CNTN1: variants seen among roughly 807,000 people sequenced by gnomAD.
The protein encoded by CNTN1 is contactin 1.
Under a neutral mutation model 126.4 loss-of-function variants are expected in CNTN1, and 38 were observed. The observed-to-expected ratio is 0.30, with a 90% CI of 0.23 to 0.39. The LOEUF is 0.39. CNTN1 is among the 10% of genes least tolerant of loss of function. CNTN1 has a pLI of 1.00. For synonymous variants in CNTN1, 413 were observed against 422.6 expected (o/e 0.98, Z 0.28); for missense variants, 1,009 against 1,248.4 (o/e 0.81, Z 2.89).
rs1421479182 is a variant in CNTN1, at chr12:40,936,807, A to G, written c.1012A>G (p.Asn338Asp). The change falls in exon 10 of 24, where the codon AAT (asparagine) becomes GAT (aspartate). Residue 338 changes from asparagine to aspartate, a missense_variant. Physicochemically the swap from Asn to Asp is conservative, Grantham distance 23. Coordinates refer to ENST00000551295, the MANE Select transcript of CNTN1 (RefSeq NM_001843.4). ...QAFPEWVEHI[N>D]DTEVDIGSDL... ...ATTCCCTGAGTGGGTAGAACACATC[A>G]ATGACACAGAGGTGGACATAGGCAG... is the stretch of plus-strand genomic sequence containing the variant. 2.5e-6 allele frequency: 4 copies of G among 1,613,340 alleles called. No homozygotes were observed. Among genetic ancestry groups the G allele is most frequent in the Non-Finnish European group, 3.4e-6 (4 of 1,179,414 alleles).
chr12:40,903,234 C>T (rs1310512203), intron 1 of CNTN1, among the ~76,000 whole-genome samples: 3 of 152,146 alleles, frequency 2.0e-5, no homozygotes, highest in Admixed American at 2.0e-4. Context: ...GGTCACAGGG[C>T]TCTGAAGGCT....
At chr12:40,853,672 T>C (rs1005147740) in intron 1 of CNTN1, among the ~76,000 whole-genome samples, 6 of 152,002 alleles carry the variant, frequency 3.9e-5, no homozygotes, top group Admixed American at 1.3e-4. Flanking sequence ...TCCTTTTTTT[T>C]CCCCCTATAG....
intron 1 of CNTN1, among the ~76,000 whole-genome samples, chr12:40,762,538 T>C (rs1938903163): frequency 6.6e-6 from 1 of 152,174 alleles, no homozygotes; most frequent in African/African-American, 2.4e-5. Flanking sequence ...TGTACTATCA[T>C]AAAAACTGAG....
intron 15 of CNTN1, among the ~76,000 whole-genome samples, chr12:40,975,213 T>TATATAG (rs1947641644): frequency 8.7e-6 from 1 of 115,584 alleles, no homozygotes; most frequent in Non-Finnish European, 1.8e-5. Flanking sequence ...TATATATATA[T>TATATAG]ATATATATAT....
chr12:40,990,323 G>A (rs1430870500), intron 16 of CNTN1, among the ~76,000 whole-genome samples: 1 of 152,142 alleles, frequency 6.6e-6, no homozygotes, highest in Non-Finnish European at 1.5e-5. Flanking sequence ...AATTCAGAAT[G>A]TCCATTCTGG....
intron 1 of CNTN1, among the ~76,000 whole-genome samples, chr12:40,722,720 A>G (rs1003912736): frequency 1.3e-5 from 2 of 152,152 alleles, no homozygotes; most frequent in Admixed American, 6.5e-5. Flanking sequence ...TAAGTCTAGT[A>G]ATGTAAAATA....
chr12:40,695,667 C>T (rs1018134719), intron 1 of CNTN1, among the ~76,000 whole-genome samples: 2 of 152,090 alleles, frequency 1.3e-5, no homozygotes, highest in African/African-American at 2.4e-5. Flanking sequence ...GATGTATTAT[C>T]GATTGTTCTC....
At chr12:41,064,042 C>T (rs1336911071) in intron 23 of CNTN1, among the ~76,000 whole-genome samples, 1 of 151,902 alleles carries the variant, frequency 6.6e-6, no homozygotes, top group Non-Finnish European at 1.5e-5. Flanking sequence ...GGCATGGTGG[C>T]GGGCGCCTGT....
At position 40,924,601 on chromosome 12, in the gene CNTN1, A is replaced by C; in HGVS notation, c.445A>C (p.Lys149Gln). The change falls in exon 6 of 24, where the codon AAA becomes CAA. Residue 149 changes from lysine (K) to glutamine (Q), a missense_variant. Physicochemically the swap from Lys to Gln is moderately conservative, Grantham distance 53. Coordinates refer to ENST00000551295, the MANE Select transcript of CNTN1 (RefSeq NM_001843.4). ...TGAGGAACGTCCTGAGGTCAGAGTAAAAGAAGGGAAAGGAATGGTGCTTCT... is the reference window on the plus strand; with the variant it reads ...TGAGGAACGTCCTGAGGTCAGAGTACAAGAAGGGAAAGGAATGGTGCTTCT... ...PPEERPEVRVKEGKGMVLLCD... is the reference protein window; with the variant it reads ...PPEERPEVRVQEGKGMVLLCD... 1 of 1,608,892 alleles carries C rather than the reference A, an allele frequency of 6.2e-7. No individual in the cohort carries two copies. Among genetic ancestry groups the C allele is most frequent in the East Asian group, 2.2e-5 (1 of 44,778 alleles).
intron 12 of CNTN1, 39 bp from the exon 13 acceptor site, chr12:40,943,558 A>G: frequency 6.9e-7 from 1 of 1,439,126 alleles, no homozygotes; most frequent in Non-Finnish European, 9.8e-7. Context: ...TATTTTACTA[A>G]ATCAGGTTTG....
chr12:41,003,287 TAA>T (rs1948411210), intron 17 of CNTN1, among the ~76,000 whole-genome samples: 2 of 152,216 alleles, frequency 1.3e-5, no homozygotes, highest in Non-Finnish European at 2.9e-5. Context: ...TTCCCAGAGA[TAA>T]AGTCTACTTG....
Position 40,938,326 on chromosome 12 carries a change from T to C in CNTN1, c.1228+639T>C, listed in dbSNP as rs73275699. On this transcript the variant is annotated intron_variant, in intron 11 of 23. Transcript: ENST00000551295. ...ATGAACTACAAATGATCATGTCTCC[T>C]TAATTAGTTGATTAGATCCATTATT... 8.6e-3 allele frequency among the ~76,000 whole-genome samples: 1,303 copies of C among 152,316 alleles called. 24 individuals carry two copies. The highest frequency in any genetic ancestry group is 0.03 in the African/African-American group (1,228 of 41,574).
At chr12:40,700,092 C>T (rs924516327) in intron 1 of CNTN1, among the ~76,000 whole-genome samples, 1 of 152,134 alleles carries the variant, frequency 6.6e-6, no homozygotes, top group African/African-American at 2.4e-5. Flanking sequence ...TATTTAGTTA[C>T]TTGATCATTT....
intron 17 of CNTN1, among the ~76,000 whole-genome samples, chr12:40,998,659 C>T (rs1376513621): frequency 1.3e-5 from 2 of 151,888 alleles, no homozygotes; most frequent in Admixed American, 6.6e-5. Flanking sequence ...TTTTTGATAG[C>T]TCTTCAGAAT....
At chr12:40,960,572 A>G (rs1189499181) in intron 15 of CNTN1, among the ~76,000 whole-genome samples, 1 of 152,088 alleles carries the variant, frequency 6.6e-6, no homozygotes, top group Admixed American at 6.6e-5. Flanking sequence ...TATATTCTCC[A>G]ATAGAGTTTT....
At position 40,943,624 on chromosome 12, in the gene CNTN1, G is replaced by A. The variant is rs752620609; in HGVS notation, c.1407G>A (p.Leu469=). The A allele has an allele frequency of 6.3e-7, 1 of 1,594,630 alleles. No individual in the cohort carries two copies. Among genetic ancestry groups the A allele is most frequent in the South Asian group, 1.1e-5 (1 of 90,722 alleles). ...SRILIWEDGS[L]EINNITRNDG... Reference sequence around the variant, plus strand: ...TACTCATTTGGGAAGATGGTAGCTTGGAAATCAACAACATTACAAGGAATG... The same window carrying A: ...TACTCATTTGGGAAGATGGTAGCTTAGAAATCAACAACATTACAAGGAATG... The change falls in exon 13 of 24, where the codon TTG becomes TTA. Residue 469 remains leucine, a synonymous_variant. Transcript: ENST00000551295.
At chr12:41,048,278 C>T (rs1178629998) in intron 23 of CNTN1, among the ~76,000 whole-genome samples, 3 of 152,162 alleles carry the variant, frequency 2.0e-5, no homozygotes, top group Non-Finnish European at 4.4e-5. Flanking sequence ...ATTTTCCTAG[C>T]ACATCCACTC....
chr12:40,749,184 A>G (rs1280624314), intron 1 of CNTN1, among the ~76,000 whole-genome samples: 1 of 152,114 alleles, frequency 6.6e-6, no homozygotes, highest in African/African-American at 2.4e-5. Flanking sequence ...GCTATATAAT[A>G]CTTGTATAGA....
rs1008516757 is a variant in CNTN1, at chr12:41,058,625, G to T, written c.2981-11334G>T. ...TTTTAACTTAAAAAGAATTTGAAAA[G>T]AACTTAAAATTTCAAGGTTTAACAC... On this transcript the variant is annotated intron_variant, in intron 23 of 23. Transcript: ENST00000551295. 2.6e-5 allele frequency among the ~76,000 whole-genome samples: 4 copies of T among 151,836 alleles called. No homozygotes were observed. In the East Asian group the frequency reaches 7.7e-4, roughly 29 times the overall value.
Sources: gnomAD v4.1 joint callset for allele counts (sites outside exome capture counted in the v4.1 genomes callset) on GRCh38, gnomAD v4.1.1 for gene constraint, MANE v1.5 for transcripts, NCBI Gene and HGNC (gene_info 2026-07-23, HGNC 2026-07-21) for gene names.